PPARGC1A: variants seen among roughly 807,000 people sequenced by gnomAD.
PPARGC1A encodes the protein PPARG coactivator 1 alpha, also known as peroxisome proliferator-activated receptor gamma coactivator 1-alpha.
Under a neutral mutation model 88.7 loss-of-function variants are expected in PPARGC1A, and 25 were observed. That is an observed-to-expected ratio of 0.28 (90% CI 0.21 to 0.39). The LOEUF (loss-of-function observed/expected upper bound fraction) is 0.39. Among genes scored for constraint, PPARGC1A ranks in the 10% least tolerant of loss-of-function variants. PPARGC1A has a pLI of 1.00. For missense variants in PPARGC1A, 880 were observed against 968.7 expected (o/e 0.91, Z 1.22); for synonymous variants, 363 against 355.6 (o/e 1.02, Z -0.24).
chr4:24,098,112 A>G, the PPARGC1A span, among the ~76,000 whole-genome samples: 1 of 152,248 alleles, frequency 6.6e-6, no homozygotes, highest in African/African-American at 2.4e-5. Flanking sequence ...TACTCTTCAA[A>G]AAGTTGTTAT....
intron 10 of PPARGC1A, among the ~76,000 whole-genome samples, chr4:23,811,784 G>A (rs1720934024): frequency 6.6e-6 from 1 of 151,628 alleles, no homozygotes; most frequent in Non-Finnish European, 1.5e-5. Flanking sequence ...ATACCCCCTG[G>A]TAAGTGGTGC....
At chr4:24,438,961 T>C in the PPARGC1A span, among the ~76,000 whole-genome samples, 1 of 152,148 alleles carries the variant, frequency 6.6e-6, no homozygotes, top group Non-Finnish European at 1.5e-5. Context: ...TTATATAATT[T>C]ATTATAAATT....
At chr4:24,188,091 A>G in the PPARGC1A span, among the ~76,000 whole-genome samples, 1 of 152,234 alleles carries the variant, frequency 6.6e-6, no homozygotes, top group African/African-American at 2.4e-5. Flanking sequence ...CTCTAATATA[A>G]TTCCAATGTG....
chr4:24,032,195 T>C, the PPARGC1A span, among the ~76,000 whole-genome samples: 1 of 152,244 alleles, frequency 6.6e-6, no homozygotes, highest in Non-Finnish European at 1.5e-5. Flanking sequence ...AGGACCTTTT[T>C]GCATTTTCTC....
rs996150913 is a variant in PPARGC1A, at chr4:23,793,599, G to C, written c.*2223C>G. ...CATGTCTTCCAGAAAAGTCATGTCA[G>C]CCAAACAGTAATCGAATCTCAATTT... On this transcript the variant is annotated 3_prime_UTR_variant, in exon 13 of 13. Coordinates refer to ENST00000264867, the MANE Select transcript of PPARGC1A (RefSeq NM_013261.5). 6.6e-6 allele frequency: 1 copy of C among 152,176 alleles called. No individual in the cohort carries two copies. Among genetic ancestry groups the C allele is most frequent in the Non-Finnish European group, 1.5e-5 (1 of 68,010 alleles). 9.4% of individuals were successfully genotyped at this position (152,176 alleles called of 1,614,324 possible).
intron 1 of PPARGC1A, among the ~76,000 whole-genome samples, chr4:23,898,515 A>G (rs1718877280): frequency 6.6e-6 from 1 of 152,230 alleles, no homozygotes; most frequent in Admixed American, 6.5e-5. Context: ...CTCAGTCAGG[A>G]CAATGCCTTG....
chr4:24,210,210 A>G, the PPARGC1A span, among the ~76,000 whole-genome samples: 1 of 152,192 alleles, frequency 6.6e-6, no homozygotes, highest in Non-Finnish European at 1.5e-5. Flanking sequence ...CCTACTTTAC[A>G]AAGTTGGCAT....
At chr4:24,112,778 C>G in the PPARGC1A span, among the ~76,000 whole-genome samples, 1 of 152,150 alleles carries the variant, frequency 6.6e-6, no homozygotes, top group Admixed American at 6.5e-5. Context: ...AATTCATCCA[C>G]AAATTTAAAT....
the PPARGC1A span, among the ~76,000 whole-genome samples, chr4:24,306,110 A>G: frequency 5.9e-5 from 9 of 152,162 alleles, no homozygotes; most frequent in African/African-American, 2.2e-4. Context: ...CCAGGAGCAG[A>G]TTCCGGATGC....
At chr4:23,961,668 G>A in the PPARGC1A span, among the ~76,000 whole-genome samples, 3 of 151,886 alleles carry the variant, frequency 2.0e-5, 1 homozygote, top group Admixed American at 2.0e-4. Flanking sequence ...ATTGGGACAG[G>A]TATTAAATGG....
chr4:24,356,109 A>C, the PPARGC1A span, among the ~76,000 whole-genome samples: 1 of 152,014 alleles, frequency 6.6e-6, no homozygotes, highest in African/African-American at 2.4e-5. Context: ...AGACAGGAGA[A>C]TCGCTTGAAC....
chr4:23,813,218 TAC>T, intron 8 of PPARGC1A, 93 bp from the exon 9 acceptor site: 1 of 1,039,840 alleles, frequency 9.6e-7, no homozygotes, highest in Non-Finnish European at 1.5e-6. Flanking sequence ...GACACTGTAT[TAC>T]AGAGACTGGC....
chr4:23,914,078 G>T, the PPARGC1A span, among the ~76,000 whole-genome samples: 2 of 152,178 alleles, frequency 1.3e-5, no homozygotes, highest in African/African-American at 4.8e-5. Flanking sequence ...TTCTGGGAGG[G>T]ATTCATCCTT....
chr4:24,389,712 T>G, the PPARGC1A span, among the ~76,000 whole-genome samples: 2 of 152,198 alleles, frequency 1.3e-5, no homozygotes, highest in African/African-American at 4.8e-5. Context: ...GCCTTTTGCA[T>G]GCATAGCATT....
chr4:24,112,375 AT>A, the PPARGC1A span, among the ~76,000 whole-genome samples: 554 of 152,182 alleles, frequency 3.6e-3, no homozygotes, highest in Non-Finnish European at 5.9e-3. Flanking sequence ...GAAATCTGAA[AT>A]TTTTTTTATA....
At chr4:24,344,905 T>C in the PPARGC1A span, among the ~76,000 whole-genome samples, 6 of 152,216 alleles carry the variant, frequency 3.9e-5, no homozygotes, top group Non-Finnish European at 7.3e-5. Flanking sequence ...TTTAAGTTGT[T>C]AATCCATCTT....
the PPARGC1A span, among the ~76,000 whole-genome samples, chr4:24,061,206 C>T: frequency 6.6e-5 from 10 of 152,154 alleles, no homozygotes; most frequent in South Asian, 2.1e-4. Context: ...CCTCTGCAAA[C>T]GGATCCAGTT....
chr4:23,919,628 A>G, the PPARGC1A span, among the ~76,000 whole-genome samples: 2 of 152,062 alleles, frequency 1.3e-5, no homozygotes, highest in East Asian at 3.9e-4. Context: ...CTAAGTTCCC[A>G]ATAAATGAAT....
At chr4:24,160,600 T>C in the PPARGC1A span, among the ~76,000 whole-genome samples, 1 of 152,182 alleles carries the variant, frequency 6.6e-6, no homozygotes, top group South Asian at 2.1e-4. Flanking sequence ...CCTGGCCCCA[T>C]GCCTCCATCA....
Sources: gnomAD v4.1 joint callset for allele counts (sites outside exome capture counted in the v4.1 genomes callset) on GRCh38, gnomAD v4.1.1 for gene constraint, MANE v1.5 for transcripts, NCBI Gene and HGNC (gene_info 2026-07-23, HGNC 2026-07-21) for gene names.